Variants in SHPRH observed in about 807,000 individuals in gnomAD.
SHPRH encodes E3 ubiquitin-protein ligase SHPRH.
SHPRH carries 106 observed loss-of-function variants against 202.5 expected under a neutral mutation model. The ratio of observed to expected loss-of-function variants is 0.52; its 90% CI spans 0.45 to 0.62. The LOEUF (loss-of-function observed/expected upper bound fraction) is 0.62, where lower values mean the gene tolerates loss of function less well. Ranked by LOEUF, SHPRH falls within the 20% of genes least tolerant of loss-of-function variation. The probability of loss-of-function intolerance (pLI) is 0.00; values close to 1 mark genes in which losing one functional copy is unlikely to be tolerated. For synonymous variants in SHPRH, 729 were observed against 686.0 expected (o/e 1.06, Z -0.98); for missense variants, 1,710 against 2,020.0 (o/e 0.85, Z 2.94).
At chr6:145,861,969 CA>C (rs1779593875), downstream of SHPRH, among the ~76,000 whole-genome samples, 1 of 152,078 alleles carries the variant, frequency 6.6e-6, no homozygotes, top group South Asian at 2.1e-4. Context: ...ATACAAATAG[CA>C]GCAGAGAGTA....
Position 145,941,672 on chromosome 6 carries a change from C to T in SHPRH, c.2441G>A (p.Trp814Ter). Residue 814 changes from tryptophan (W) to a stop codon, truncating the protein, a stop_gained, in exon 10 of 30, where the codon TGG becomes TAG. Coordinates refer to ENST00000275233, the MANE Select transcript of SHPRH (RefSeq NM_001042683.3). LOFTEE classifies it high-confidence loss of function. ...CTGAGCTTCATCAAGGCAGATCCTC[C>T]ACCACTCCACAGCTACCAGGGGGCT... ...IPSPLVAVEW[W>*]RICLDEAQMV... 6.2e-7 allele frequency: 1 copy of T among 1,614,058 alleles called. No individual in the cohort carries two copies. Among genetic ancestry groups the T allele is most frequent in the Non-Finnish European group, 8.5e-7 (1 of 1,179,950 alleles).
downstream of SHPRH, among the ~76,000 whole-genome samples, chr6:145,882,424 G>T (rs761512016): frequency 3.3e-5 from 5 of 152,124 alleles, no homozygotes; most frequent in Non-Finnish European, 5.9e-5. Context: ...CTTGAGAAGT[G>T]AAAAGCACTG....
intron 28 of SHPRH, among the ~76,000 whole-genome samples, chr6:145,891,346 T>C (rs1425898804): frequency 6.6e-6 from 1 of 152,162 alleles, no homozygotes; most frequent in Non-Finnish European, 1.5e-5. Context: ...CATGACTAAC[T>C]TTCCCATTTT....
chr6:145,873,515 A>G (rs1420052029), intron 2 of SHPRH, among the ~76,000 whole-genome samples: 1 of 152,144 alleles, frequency 6.6e-6, no homozygotes, highest in Non-Finnish European at 1.5e-5. Context: ...ATGACCTTAT[A>G]CTGCTTTAAT....
intron 11 of SHPRH, among the ~76,000 whole-genome samples, chr6:145,938,092 C>G (rs1456043156): frequency 6.6e-6 from 1 of 152,118 alleles, no homozygotes; most frequent in Non-Finnish European, 1.5e-5. Flanking sequence ...ATGTATCCCC[C>G]AAAAGTTCAC....
chr6:145,929,337 A>G (rs1785199657), intron 14 of SHPRH, among the ~76,000 whole-genome samples: 1 of 152,020 alleles, frequency 6.6e-6, no homozygotes, highest in Non-Finnish European at 1.5e-5. Flanking sequence ...AAATTGGAAT[A>G]ATAAAATGTG....
At chr6:145,921,523 C>A in intron 20 of SHPRH, 131 bp from the exon 21 acceptor site, 1 of 837,712 alleles carries the variant, frequency 1.2e-6, no homozygotes, top group Non-Finnish European at 1.8e-6. Context: ...AAGCTGAAAA[C>A]ATCATAAATT....
In SHPRH at chr6:145,921,347, T is replaced by C. The variant is rs1357214112; in HGVS notation, c.3828A>G (p.Glu1276=). ...TAIFEEMIED[E]EGLVDDRAPT... ...GTGCTCGATCATCCACCAGTCCTTC[T>C]TCATCTTCTATCATCTCCTCAAATA... is the stretch of plus-strand genomic sequence containing the variant. The change falls in exon 21 of 30, where the codon GAA becomes GAG. Residue 1276 remains glutamate, a synonymous_variant. Coordinates refer to ENST00000275233, the MANE Select transcript of SHPRH (RefSeq NM_001042683.3). 5 of 1,612,790 alleles carry C rather than the reference T, an allele frequency of 3.1e-6. No individual in the cohort carries two copies. The South Asian group carries it at 5.5e-5, about 18-fold the overall frequency.
chr6:145,955,100 T>C lies in SHPRH; in HGVS notation c.223A>G (p.Lys75Glu). 1 of 1,613,540 alleles carries C rather than the reference T, an allele frequency of 6.2e-7. No homozygotes were observed. The highest frequency in any genetic ancestry group is 8.5e-7 in the Non-Finnish European group (1 of 1,179,942). Residue 75 changes from lysine to glutamate, a missense_variant, in exon 2 of 30, where the codon AAA becomes GAA. Physicochemically the swap from Lys to Glu is moderately conservative, Grantham distance 56. Around this residue, in one of 8 missense-constraint regions of SHPRH, gnomAD observed 459 missense variants for 426.5 expected, o/e 1.08. Transcript: ENST00000275233. ...VAHRDKKRCS[K>E]VVSFSKPIEK... The stretch of plus-strand genomic sequence containing the variant: ...ATTGGTTTTGAGAAGCTCACCACTT[T>C]TGAACACCTCTTCTTATCTCTGTGA...
intron 1 of SHPRH, among the ~76,000 whole-genome samples, chr6:145,961,304 G>A (rs1294129080): frequency 6.6e-6 from 1 of 152,084 alleles, no homozygotes; most frequent in Non-Finnish European, 1.5e-5. Context: ...CTTGGAGAAG[G>A]GCCCAGGCAC....
At chr6:145,942,867 G>T (rs755162853) in intron 9 of SHPRH, among the ~76,000 whole-genome samples, 4 of 152,144 alleles carry the variant, frequency 2.6e-5, no homozygotes, top group Admixed American at 2.6e-4. Flanking sequence ...CTTATACCAA[G>T]AATTTCTCAT....
chr6:145,963,222 C>CT (rs1171186783), intron 1 of SHPRH, among the ~76,000 whole-genome samples: 2 of 152,108 alleles, frequency 1.3e-5, no homozygotes, highest in African/African-American at 2.4e-5. Context: ...ACTAAATAGT[C>CT]TTTTTTGTGA....
intron 28 of SHPRH, among the ~76,000 whole-genome samples, chr6:145,892,352 T>A (rs1781638833): frequency 6.6e-6 from 1 of 152,300 alleles, no homozygotes; most frequent in East Asian, 1.9e-4. Context: ...GTGATCATTA[T>A]CTTCTTTTGT....
In SHPRH at chr6:145,948,273, A is replaced by T. The variant is rs1239058155; in HGVS notation, c.1060T>A (p.Cys354Ser). The change falls in exon 5 of 30, where the codon TGC (cysteine) becomes AGC (serine). Residue 354 changes from cysteine to serine, a missense_variant and splice_region_variant. Coordinates refer to ENST00000275233, the MANE Select transcript of SHPRH (RefSeq NM_001042683.3). ...CATATAAGTAAAATTTTGCCTTACC[A>T]GCCTGTATATGGATTATAGTAGAGT... ...LKLYYNPYTG[C>S]IIREYPNSGP... is the part of the protein sequence containing the mutation. The T allele has an allele frequency of 1.3e-6, 2 of 1,571,846 alleles. No individual in the cohort carries two copies. Among genetic ancestry groups the T allele is most frequent in the South Asian group, 2.5e-5 (2 of 80,516 alleles).
downstream of SHPRH, chr6:145,883,187 T>A (rs921538701): frequency 5.3e-5 from 8 of 152,244 alleles, no homozygotes; most frequent in African/African-American, 1.9e-4. Flanking sequence ...AGGCTGTTTT[T>A]TAATTTCTAT....
downstream of SHPRH, among the ~76,000 whole-genome samples, chr6:145,862,921 A>G (rs1466837186): frequency 6.6e-6 from 1 of 152,184 alleles, no homozygotes; most frequent in Non-Finnish European, 1.5e-5. Flanking sequence ...ACGATGTATT[A>G]TTAGTCTTTG....
intron 14 of SHPRH, 98 bp downstream of exon 14, chr6:145,932,959 A>C: frequency 7.7e-7 from 1 of 1,300,972 alleles, no homozygotes; most frequent in Non-Finnish European, 1.0e-6. Context: ...TTTTTGGGGG[A>C]AAAATCCCCC....
At chr6:145,860,439 CAAGT>C (rs1351163383), downstream of SHPRH, among the ~76,000 whole-genome samples, 3 of 151,752 alleles carry the variant, frequency 2.0e-5, no homozygotes, top group Non-Finnish European at 4.4e-5. Flanking sequence ...TAAACTCAAC[CAAGT>C]AAGTGAAAGA....
chr6:145,937,480 T>C, intron 11 of SHPRH, among the ~76,000 whole-genome samples: 1 of 152,062 alleles, frequency 6.6e-6, no homozygotes, highest in East Asian at 1.9e-4. Flanking sequence ...TTATAGACAA[T>C]CAATTAATAT....
Sources: gnomAD v4.1 joint callset for allele counts (sites outside exome capture counted in the v4.1 genomes callset) on GRCh38, gnomAD v4.1.1 for gene constraint, gnomAD v4.1.1 regional missense constraint, MANE v1.5 for transcripts, NCBI Gene and HGNC (gene_info 2026-07-23, HGNC 2026-07-21) for gene names.